Variants in RBFOX1 observed in about 807,000 individuals in gnomAD.
RBFOX1 encodes RNA binding protein fox-1 homolog 1.
In RBFOX1, 8 loss-of-function variants were observed where a neutral mutation model predicts 57.7. That is an observed-to-expected ratio of 0.14 (90% confidence interval 0.08 to 0.25). The LOEUF (loss-of-function observed/expected upper bound fraction) is 0.25. Ranked by LOEUF, RBFOX1 falls within the 10% of genes least tolerant of loss-of-function variation. The pLI is 1.00. For synonymous variants in RBFOX1, 326 were observed against 222.4 expected, an observed-to-expected ratio of 1.47 and a Z score of -4.15; for missense variants, 611 against 548.5, an observed-to-expected ratio of 1.11 and a Z score of -1.14.
chr16:6,300,460 A>T (rs148638578), intron 1 of RBFOX1, among the ~76,000 whole-genome samples: 1,921 of 152,268 alleles, frequency 0.013, 42 homozygotes, highest in African/African-American at 0.044. Flanking sequence ...TTAAAGAATA[A>T]AAAGAAATCC....
intron 1 of RBFOX1, among the ~76,000 whole-genome samples, chr16:6,054,528 G>A (rs1187229683): frequency 2.0e-5 from 3 of 152,162 alleles, no homozygotes; most frequent in African/African-American, 7.2e-5. Flanking sequence ...AGTCTCAGGT[G>A]AGATCTGTCT....
At chr16:7,480,876 G>A (rs2063764599) in intron 4 of RBFOX1, among the ~76,000 whole-genome samples, 1 of 152,184 alleles carries the variant, frequency 6.6e-6, no homozygotes, top group Non-Finnish European at 1.5e-5. Context: ...TCCTGGGGCT[G>A]CTTCCCTCTG....
At chr16:6,138,698 T>C (rs2096687594) in intron 1 of RBFOX1, among the ~76,000 whole-genome samples, 1 of 152,064 alleles carries the variant, frequency 6.6e-6, no homozygotes, top group African/African-American at 2.4e-5. Context: ...AAACCCCGTC[T>C]CTACTGAAAA....
At chr16:6,870,019 T>C (rs578097365) in intron 3 of RBFOX1, among the ~76,000 whole-genome samples, 2 of 152,314 alleles carry the variant, frequency 1.3e-5, no homozygotes, top group South Asian at 2.1e-4. Context: ...GTGAGATCTA[T>C]GCATATCTAT....
At position 5,966,377 on chromosome 16, in the gene RBFOX1, A is replaced by G. The variant is rs77510007; in HGVS notation, c.351+99042A>G. ...GCCTCATGGGGCTTTTGCTCATGGC[A>G]GAAGGCAACATGAGGGCTGACGGTT... On this transcript the variant is annotated intron_variant, in intron 4 of 19. Transcript: ENST00000641259. Among the ~76,000 whole-genome samples the G allele has an allele frequency of 5.6e-3, 855 of 152,322 alleles. 10 individuals are homozygous for G. The highest frequency in any genetic ancestry group is 0.02 in the African/African-American group (828 of 41,566).
intron 4 of RBFOX1, among the ~76,000 whole-genome samples, chr16:7,350,264 T>C (rs2097103901): frequency 6.6e-6 from 1 of 152,008 alleles, no homozygotes. Flanking sequence ...TGTACAGTCG[T>C]GGGGTATGGG....
At position 6,435,497 on chromosome 16, in the gene RBFOX1, T is replaced by A. The variant is rs139844599; in HGVS notation, c.-64+118440T>A. ...TATTTCTTTTTCATTAGAGGTGGGG[T>A]TTCCCCATGTTGGCCAGGCTCGCCT... On this transcript the variant is annotated intron_variant, in intron 2 of 15. Transcript: ENST00000550418. Among the ~76,000 whole-genome samples the A allele has an allele frequency of 2.3e-3, 351 of 152,036 alleles. 4 individuals are homozygous for A. The highest frequency in any genetic ancestry group is 8.0e-3 in the African/African-American group (333 of 41,432).
chr16:7,487,288 T>G (rs901986751), intron 4 of RBFOX1, among the ~76,000 whole-genome samples: 1 of 152,132 alleles, frequency 6.6e-6, no homozygotes, highest in African/African-American at 2.4e-5. Flanking sequence ...CTCAACTACT[T>G]TATCTCAAAT....
intron 1 of RBFOX1, among the ~76,000 whole-genome samples, chr16:5,315,176 T>A (rs1286276369): frequency 6.6e-6 from 1 of 152,158 alleles, no homozygotes; most frequent in Non-Finnish European, 1.5e-5. Context: ...TGTGGGCTGA[T>A]AGGGCAAATG....
chr16:6,317,438 C>G (rs76364877), intron 2 of RBFOX1, among the ~76,000 whole-genome samples: 2,775 of 151,996 alleles, frequency 0.018, 96 homozygotes, highest in African/African-American at 0.064. Context: ...GAAATGCCAG[C>G]AAACACAGAT....
intron 4 of RBFOX1, among the ~76,000 whole-genome samples, chr16:5,874,938 C>T (rs763588747): frequency 3.9e-5 from 6 of 151,952 alleles, no homozygotes; most frequent in Non-Finnish European, 7.4e-5. Flanking sequence ...AGAGCAAGAC[C>T]CCGTCCCCCA....
chr16:7,699,734 C>CTT (rs143846992), intron 14 of RBFOX1, among the ~76,000 whole-genome samples: 1 of 148,570 alleles, frequency 6.7e-6, no homozygotes, highest in African/African-American at 2.5e-5. Context: ...ATGAGTTCAC[C>CTT]TTTTTTTTTT....
chr16:5,437,724 G>A (rs2067959585), intron 1 of RBFOX1, among the ~76,000 whole-genome samples: 1 of 152,154 alleles, frequency 6.6e-6, no homozygotes, highest in Admixed American at 6.6e-5. Context: ...AGAAGAAACT[G>A]TCCTGCAATG....
chr16:5,416,152 T>C (rs1240769100), intron 1 of RBFOX1, among the ~76,000 whole-genome samples: 1 of 152,222 alleles, frequency 6.6e-6, no homozygotes, highest in African/African-American at 2.4e-5. Context: ...CCAGACACTT[T>C]GTTTCACATC....
rs528052973 is a variant in RBFOX1 at position 6,210,519 on chromosome 16, C to T, written c.-126-106476C>T. Among the ~76,000 whole-genome samples, 3 of 152,064 alleles carry T rather than the reference C, an allele frequency of 2.0e-5. No individual in the cohort carries two copies. The South Asian group carries it at 6.2e-4, about 32-fold the overall frequency. On this transcript the variant is annotated intron_variant, in intron 1 of 15. Coordinates refer to ENST00000550418, the MANE Select transcript of RBFOX1 (RefSeq NM_018723.4). Reference sequence around the variant, plus strand: ...CTGAGACAAGAGGATCACTTGAGCCCAGGAGTTTGAGACCAGGCTGGGTAA... The same window carrying T: ...CTGAGACAAGAGGATCACTTGAGCCTAGGAGTTTGAGACCAGGCTGGGTAA...
At chr16:6,258,742 A>G (rs1386398914) in intron 1 of RBFOX1, among the ~76,000 whole-genome samples, 2 of 152,188 alleles carry the variant, frequency 1.3e-5, no homozygotes, top group African/African-American at 4.8e-5. Flanking sequence ...TGTAGATTTA[A>G]AAATAACTAA....
At chr16:5,764,352 C>G (rs149013525) in intron 3 of RBFOX1, among the ~76,000 whole-genome samples, 1 of 152,208 alleles carries the variant, frequency 6.6e-6, no homozygotes, top group South Asian at 2.1e-4. Flanking sequence ...GGACAGGACT[C>G]CTTTCTTCAC....
At chr16:5,704,479 G>C (rs1226177429) in intron 3 of RBFOX1, among the ~76,000 whole-genome samples, 1 of 152,080 alleles carries the variant, frequency 6.6e-6, no homozygotes, top group African/African-American at 2.4e-5. Flanking sequence ...AGCAGTGCTG[G>C]GAGCCAACCA....
At chr16:7,641,459 T>C (rs1410035087) in intron 11 of RBFOX1, among the ~76,000 whole-genome samples, 1 of 152,190 alleles carries the variant, frequency 6.6e-6, no homozygotes, top group Non-Finnish European at 1.5e-5. Flanking sequence ...GTTAAGAAAA[T>C]GCAGTTTCAG....
Sources: allele counts gnomAD v4.1 joint callset (sites outside exome capture counted in the v4.1 genomes callset), GRCh38; gene constraint gnomAD v4.1.1; transcripts MANE v1.5; gene names NCBI Gene and HGNC (gene_info 2026-07-23, HGNC 2026-07-21).